The following KCNN2 variants were observed in gnomAD, a reference collection of about 807,000 sequenced individuals.
KCNN2 encodes the protein small conductance calcium-activated potassium channel protein 2.
In KCNN2, 24 loss-of-function variants were observed where a neutral mutation model predicts 55.5. That is an observed-to-expected ratio of 0.43 (90% CI 0.31 to 0.61). The LOEUF is 0.61. KCNN2 is among the 20% of genes least tolerant of loss of function. The pLI is 0.08. For missense variants in KCNN2, 754 were observed against 853.6 expected, an observed-to-expected ratio of 0.88 and a Z score of 1.45; for synonymous variants, 431 against 336.1, an observed-to-expected ratio of 1.28 and a Z score of -3.09.
At chr5:114,423,964 A>G (rs1323149392) in intron 3 of KCNN2, among the ~76,000 whole-genome samples, 5 of 152,184 alleles carry the variant, frequency 3.3e-5, no homozygotes, top group Non-Finnish European at 7.4e-5. Flanking sequence ...ATCTGTGTCC[A>G]AGTGAAGAAT....
chr5:114,279,407 CG>C (rs1357808224), intron 2 of KCNN2, among the ~76,000 whole-genome samples: 16 of 152,002 alleles, frequency 1.1e-4, no homozygotes, highest in African/African-American at 3.9e-4. Flanking sequence ...TCTGTTAACT[CG>C]TGATTTACAT....
chr5:114,178,480 G>A (rs1753179087), intron 1 of KCNN2, among the ~76,000 whole-genome samples: 1 of 152,156 alleles, frequency 6.6e-6, no homozygotes, highest in African/African-American at 2.4e-5. Context: ...CATTTTCAAA[G>A]CTGTTGGAAG....
At chr5:114,444,424 G>C (rs1041173440) in intron 3 of KCNN2, among the ~76,000 whole-genome samples, 1 of 152,094 alleles carries the variant, frequency 6.6e-6, no homozygotes, top group Non-Finnish European at 1.5e-5. Context: ...TGAGAATCCT[G>C]GAGGGGTAAG....
At chr5:114,120,631 A>G (rs890755986) in intron 1 of KCNN2, among the ~76,000 whole-genome samples, 2 of 152,172 alleles carry the variant, frequency 1.3e-5, no homozygotes, top group African/African-American at 4.8e-5. Flanking sequence ...GGGGAGGCCA[A>G]TTTATACTTT....
At chr5:114,249,592 T>A (rs1754818680) in intron 2 of KCNN2, among the ~76,000 whole-genome samples, 1 of 151,996 alleles carries the variant, frequency 6.6e-6, no homozygotes, top group African/African-American at 2.4e-5. Context: ...TGGCCCTCAG[T>A]ACATTTCTAA....
chr5:114,485,825 A>G (rs1762415203), intron 5 of KCNN2, among the ~76,000 whole-genome samples: 1 of 152,338 alleles, frequency 6.6e-6, no homozygotes, highest in Non-Finnish European at 1.5e-5. Context: ...TTTTCACTCC[A>G]TGAGAAAGAT....
At chr5:114,440,160 G>A (rs1251531652) in intron 3 of KCNN2, among the ~76,000 whole-genome samples, 1 of 152,060 alleles carries the variant, frequency 6.6e-6, no homozygotes, top group East Asian at 1.9e-4. Context: ...AAACCTACAT[G>A]TAGACACATG....
intron 5 of KCNN2, 68 bp downstream of exon 5, chr5:114,473,232 T>A (rs1168525485): frequency 1.9e-6 from 2 of 1,061,754 alleles, no homozygotes; most frequent in Non-Finnish European, 1.4e-6. Context: ...GGAAATATGG[T>A]TTTTATTTTG....
chr5:114,435,062 TG>T (rs558684269), intron 3 of KCNN2, among the ~76,000 whole-genome samples: 130 of 152,276 alleles, frequency 8.5e-4, no homozygotes, highest in African/African-American at 3.0e-3. Flanking sequence ...TTGGAGCTCC[TG>T]GAAATTAAAC....
chr5:114,315,455 GTGTGTGTGTGTATA>G lies in KCNN2; in HGVS notation c.-184-45488_-184-45475del, dbSNP rs1201621517. Among the ~76,000 whole-genome samples the G allele has an allele frequency of 4.6e-3, 469 of 101,148 alleles. 2 individuals are homozygous for G. The highest frequency in any genetic ancestry group is 0.018 in the East Asian group (21 of 1,164). 66.4% of individuals were successfully genotyped at this position (101,148 alleles called of 152,430 possible). ...TGTGTGTGTGTGTGTGTGTGTGTGT[GTGTGTGTGTGTATA>G]TATATATAAAACTTCTGTTTTAAAA... On this transcript the variant is annotated intron_variant, in intron 2 of 10. Transcript: ENST00000512097.
chr5:114,400,808 A>C (rs1019194751), intron 2 of KCNN2, among the ~76,000 whole-genome samples: 1 of 152,174 alleles, frequency 6.6e-6, no homozygotes, highest in African/African-American at 2.4e-5. Flanking sequence ...CTTAATCCAG[A>C]TCTTGCATCA....
chr5:114,061,452 A>G (rs952865055), intron 1 of KCNN2, among the ~76,000 whole-genome samples: 3 of 152,224 alleles, frequency 2.0e-5, no homozygotes, highest in Non-Finnish European at 2.9e-5. Flanking sequence ...CATTTTATAA[A>G]TGAAATCTAA....
chr5:114,486,751 C>A (rs1179705409), intron 5 of KCNN2: 1 of 1,298,518 alleles, frequency 7.7e-7, no homozygotes, highest in South Asian at 1.3e-5. Flanking sequence ...GAACTCAACA[C>A]CCCTTGATTA....
chr5:114,100,661 G>A (rs544306593), intron 1 of KCNN2, among the ~76,000 whole-genome samples: 84 of 152,222 alleles, frequency 5.5e-4, no homozygotes, highest in African/African-American at 1.9e-3. Flanking sequence ...CCAGTGACAA[G>A]GAGATCCCTG....
intron 2 of KCNN2, among the ~76,000 whole-genome samples, chr5:114,319,036 A>G (rs568629162): frequency 1.3e-5 from 2 of 152,244 alleles, no homozygotes; most frequent in African/African-American, 2.4e-5. Context: ...TGTGCCCCCA[A>G]CGTACACAGA....
chr5:114,432,505 G>A (rs549223765), intron 3 of KCNN2, among the ~76,000 whole-genome samples: 34 of 152,096 alleles, frequency 2.2e-4, no homozygotes, highest in Non-Finnish European at 4.1e-4. Flanking sequence ...ATGGTTGAGA[G>A]GTGACAGCGT....
intron 3 of KCNN2, among the ~76,000 whole-genome samples, chr5:114,407,797 T>A (rs990728269): frequency 2.6e-5 from 4 of 152,216 alleles, no homozygotes; most frequent in African/African-American, 9.6e-5. Context: ...ACAGTTACTA[T>A]GCAAGCATTT....
chr5:114,150,497 C>T (rs771821157), intron 1 of KCNN2, among the ~76,000 whole-genome samples: 8 of 152,156 alleles, frequency 5.3e-5, no homozygotes, highest in Admixed American at 2.0e-4. Flanking sequence ...ATCAAAACGT[C>T]GACAGCATGA....
intron 2 of KCNN2, among the ~76,000 whole-genome samples, chr5:114,282,980 A>G (rs1755652538): frequency 6.6e-6 from 1 of 152,144 alleles, no homozygotes; most frequent in South Asian, 2.1e-4. Flanking sequence ...CCTCTGCTGC[A>G]TTTAAGATTT....
Sources: allele counts gnomAD v4.1 joint callset (sites outside exome capture counted in the v4.1 genomes callset), GRCh38; gene constraint gnomAD v4.1.1; transcripts MANE v1.5; gene names NCBI Gene and HGNC (gene_info 2026-07-23, HGNC 2026-07-21).